The following ANKS1B variants were observed in gnomAD, a reference collection of about 807,000 sequenced individuals.
ANKS1B encodes the protein ankyrin repeat and sterile alpha motif domain-containing protein 1B.
Under a neutral mutation model 148.3 loss-of-function variants are expected in ANKS1B, and 36 were observed. The ratio of observed to expected loss-of-function variants is 0.24; its 90% CI spans 0.19 to 0.32. The LOEUF is 0.32. Ranked by LOEUF, ANKS1B falls within the 10% of genes least tolerant of loss-of-function variation. The pLI is 1.00. For missense variants in ANKS1B, 1,157 were observed against 1,542.6 expected, an observed-to-expected ratio of 0.75 and a Z score of 4.19; for synonymous variants, 542 against 560.8, an observed-to-expected ratio of 0.97 and a Z score of 0.47.
At chr12:98,965,774 C>T (rs1300483562) in intron 17 of ANKS1B, among the ~76,000 whole-genome samples, 1 of 152,078 alleles carries the variant, frequency 6.6e-6, no homozygotes, top group African/African-American at 2.4e-5. Flanking sequence ...CTTTGACAAA[C>T]CTGACAAAAA....
intron 8 of ANKS1B, among the ~76,000 whole-genome samples, chr12:99,715,592 T>C (rs187663019): frequency 1.0e-3 from 159 of 152,244 alleles, no homozygotes; most frequent in Non-Finnish European, 2.0e-3. Context: ...GCGCATGAAA[T>C]TTGGTGCCGT....
At chr12:99,297,386 G>C (rs1416801372) in intron 12 of ANKS1B, among the ~76,000 whole-genome samples, 1 of 152,014 alleles carries the variant, frequency 6.6e-6, no homozygotes, top group Non-Finnish European at 1.5e-5. Flanking sequence ...AAAACCTAAG[G>C]CTGTTTCAAA....
chr12:99,298,571 A>G (rs1844965), intron 12 of ANKS1B, among the ~76,000 whole-genome samples: 1 of 152,142 alleles, frequency 6.6e-6, no homozygotes, highest in African/African-American at 2.4e-5. Flanking sequence ...GAACAGACTA[A>G]TACAACCAGG....
chr12:99,146,286 T>C (rs1027583920), intron 15 of ANKS1B, among the ~76,000 whole-genome samples: 3 of 151,992 alleles, frequency 2.0e-5, no homozygotes, highest in Non-Finnish European at 2.9e-5. Flanking sequence ...AAAAGAACTG[T>C]GATGCAATAG....
In ANKS1B at chr12:98,998,828, G is replaced by A. The variant is rs143449134; in HGVS notation, c.2778+54329C>T. ...ATATTTTGCTTTGCCTTTGGGATAC[G>A]AAGTGATGGAACGAGCTCGTTAACA... On this transcript the variant is annotated intron_variant, in intron 17 of 26. Coordinates refer to ENST00000683438, the MANE Select transcript of ANKS1B (RefSeq NM_001352186.2). Among the ~76,000 whole-genome samples the A allele has an allele frequency of 2.5e-3, 388 of 152,246 alleles. 12 individuals are homozygous for A. In the East Asian group the frequency reaches 0.045, roughly 18 times the overall value.
At chr12:99,398,509 T>C (rs1165095823) in intron 12 of ANKS1B, among the ~76,000 whole-genome samples, 1 of 152,148 alleles carries the variant, frequency 6.6e-6, no homozygotes, top group Non-Finnish European at 1.5e-5. Context: ...GGAAGGAAAG[T>C]AATTGTTTAC....
intron 15 of ANKS1B, 102 bp downstream of exon 15, chr12:99,154,187 T>C: frequency 2.1e-6 from 3 of 1,427,042 alleles, no homozygotes; most frequent in South Asian, 2.7e-5. Context: ...TATATAAATC[T>C]GACCAGTTTT....
intron 1 of ANKS1B, among the ~76,000 whole-genome samples, chr12:99,844,056 G>A (rs1314875108): frequency 6.6e-6 from 1 of 152,090 alleles, no homozygotes; most frequent in East Asian, 1.9e-4. Context: ...ATTTTGAAAA[G>A]TGTCTGTTCA....
chr12:99,542,729 A>G (rs1307648308), intron 9 of ANKS1B, among the ~76,000 whole-genome samples: 1 of 152,172 alleles, frequency 6.6e-6, no homozygotes, highest in African/African-American at 2.4e-5. Context: ...ATATAGATCA[A>G]TAGAAAAAAT....
intron 9 of ANKS1B, among the ~76,000 whole-genome samples, chr12:99,630,599 C>T (rs1357932073): frequency 6.6e-6 from 1 of 152,178 alleles, no homozygotes; most frequent in Non-Finnish European, 1.5e-5. Flanking sequence ...ATGAGAGATG[C>T]TGTAGAAAAG....
chr12:99,601,685 C>T (rs996889029), intron 9 of ANKS1B, among the ~76,000 whole-genome samples: 6 of 151,942 alleles, frequency 3.9e-5, no homozygotes, highest in Non-Finnish European at 8.8e-5. Flanking sequence ...GACACAATAC[C>T]CTTCAGAAAT....
chr12:99,495,025 G>A (rs535521471), intron 10 of ANKS1B, among the ~76,000 whole-genome samples: 1 of 152,218 alleles, frequency 6.6e-6, no homozygotes, highest in South Asian at 2.1e-4. Context: ...AGAGACAAGG[G>A]AGGAAAAGTA....
chr12:99,494,433 G>C (rs1424462701), intron 10 of ANKS1B, among the ~76,000 whole-genome samples: 1 of 152,088 alleles, frequency 6.6e-6, no homozygotes, highest in Non-Finnish European at 1.5e-5. Flanking sequence ...AAACGATAAA[G>C]ACCCGAGCAG....
intron 2 of ANKS1B, among the ~76,000 whole-genome samples, chr12:99,817,914 T>C (rs927464412): frequency 1.7e-4 from 26 of 151,810 alleles, no homozygotes; most frequent in African/African-American, 6.3e-4. Context: ...AATCTGTTGC[T>C]AGATAGATAG....
chr12:98,782,126 C>T lies in ANKS1B; in HGVS notation c.3354G>A (p.Gln1118=). 6.3e-7 allele frequency: 1 copy of T among 1,599,734 alleles called. No individual in the cohort carries two copies. Among genetic ancestry groups the T allele is most frequent in the Non-Finnish European group, 8.5e-7 (1 of 1,172,546 alleles). The change falls in exon 23 of 27, where the codon CAG becomes CAA. Residue 1118 remains glutamine (Q), a splice_region_variant and synonymous_variant. Coordinates refer to ENST00000683438, the MANE Select transcript of ANKS1B (RefSeq NM_001352186.2). ...ACACTAAACATCAAGAAGAACCTACCTGACAGTTAGCCTGGTGGATTTTCC... is the reference window on the plus strand; with the variant it reads ...ACACTAAACATCAAGAAGAACCTACTTGACAGTTAGCCTGGTGGATTTTCC... The part of the protein sequence containing the change: ...DACAKMRANC[Q]KSTEQMKKVP...
At chr12:99,128,507 T>C (rs916549079) in intron 15 of ANKS1B, among the ~76,000 whole-genome samples, 3 of 152,112 alleles carry the variant, frequency 2.0e-5, no homozygotes, top group Non-Finnish European at 2.9e-5. Flanking sequence ...GTGCTGCACA[T>C]AGAATTGAGG....
intron 1 of ANKS1B, among the ~76,000 whole-genome samples, chr12:99,833,575 G>C (rs1296332669): frequency 6.6e-6 from 1 of 152,220 alleles, no homozygotes; most frequent in Non-Finnish European, 1.5e-5. Flanking sequence ...ATCTCCACTA[G>C]AAAAAGCTGC....
At chr12:99,292,203 A>G (rs2080100647) in intron 12 of ANKS1B, among the ~76,000 whole-genome samples, 2 of 152,106 alleles carry the variant, frequency 1.3e-5, no homozygotes, top group Non-Finnish European at 1.5e-5. Flanking sequence ...AGAAACTACC[A>G]TCAGATTGGC....
chr12:99,189,034 C>A lies in ANKS1B; in HGVS notation c.2420-34639G>T, dbSNP rs151311030. ...TATCACCACTGATCCCAAGGAAATA[C>A]AAACTACCATCAGAGCATACTATAA... On this transcript the variant is annotated intron_variant, in intron 14 of 26. Coordinates refer to ENST00000683438, the MANE Select transcript of ANKS1B (RefSeq NM_001352186.2). Among the ~76,000 whole-genome samples the A allele has an allele frequency of 3.6e-3, 545 of 152,246 alleles. 3 individuals carry two copies. The highest frequency in any genetic ancestry group is 0.012 in the African/African-American group (509 of 41,548).
Sources: gnomAD v4.1 joint callset for allele counts (sites outside exome capture counted in the v4.1 genomes callset) on GRCh38, gnomAD v4.1.1 for gene constraint, MANE v1.5 for transcripts, NCBI Gene and HGNC (gene_info 2026-07-23, HGNC 2026-07-21) for gene names.